The following ZNF829 variants were observed in gnomAD, a reference collection of about 807,000 sequenced individuals.
ZNF829 encodes the protein zinc finger protein 829.
A neutral mutation model predicts 35.2 loss-of-function variants in ZNF829; 25 were observed. The ratio of observed to expected loss-of-function variants is 0.71; its 90% confidence interval spans 0.52 to 0.99. The LOEUF (loss-of-function observed/expected upper bound fraction) is 0.99, where lower values mean the gene tolerates loss of function less well. Among genes scored for constraint, ZNF829 ranks in the 50% least tolerant of loss-of-function variants. The probability of loss-of-function intolerance (pLI) is 0.00; values close to 1 mark genes in which losing one functional copy is unlikely to be tolerated. For missense variants in ZNF829, 417 were observed against 515.3 expected (o/e 0.81, Z 1.85); for synonymous variants, 136 against 163.2 (o/e 0.83, Z 1.27).
intron 5 of ZNF829, among the ~76,000 whole-genome samples, chr19:36,900,345 G>A (rs1246324582): frequency 6.7e-6 from 1 of 148,472 alleles, no homozygotes; most frequent in Non-Finnish European, 1.5e-5. Flanking sequence ...GTGACAGAGT[G>A]AGACTCTGTC....
At chr19:36,897,196 T>C (rs920668846) in intron 5 of ZNF829, among the ~76,000 whole-genome samples, 1 of 152,100 alleles carries the variant, frequency 6.6e-6, no homozygotes, top group African/African-American at 2.4e-5. Context: ...TTCTTCCTAA[T>C]CCATTCTACA....
chr19:36,915,565 C>T (rs1241500517), intron 1 of ZNF829, among the ~76,000 whole-genome samples: 1 of 151,520 alleles, frequency 6.6e-6, no homozygotes, highest in Non-Finnish European at 1.5e-5. Flanking sequence ...GTTATTATCT[C>T]CCAGACAATT....
intron 3 of ZNF829, among the ~76,000 whole-genome samples, chr19:36,909,510 T>C (rs1043033632): frequency 1.3e-5 from 2 of 152,020 alleles, no homozygotes; most frequent in African/African-American, 4.8e-5. Flanking sequence ...ATAGCAATGA[T>C]TGAAAGAAAA....
rs1391781781 is a variant in ZNF829 at position 36,890,193 on chromosome 19, T to C, written c.*1299A>G. 6.6e-6 allele frequency: 1 copy of C among 152,194 alleles called. No homozygotes were observed. Among genetic ancestry groups the C allele is most frequent in the East Asian group, 1.9e-4 (1 of 5,200 alleles). The allele number at this position is 152,194 out of a possible 1,614,324, so 9.4% of individuals were successfully genotyped here. ...GCTTTGTGGTCCAGTATATGACCTA[T>C]TTTTGAGAATGTTCCATGCACAGAA... On this transcript the variant is annotated 3_prime_UTR_variant, in exon 6 of 6. Transcript: ENST00000391711.
intron 5 of ZNF829, chr19:36,892,936 G>A: frequency 1.2e-6 from 1 of 810,778 alleles, no homozygotes; most frequent in East Asian, 3.3e-5. Context: ...GGGCCATGGA[G>A]GAGGACAGGC....
intron 5 of ZNF829, 82 bp from the exon 6 acceptor site, chr19:36,892,553 T>C (rs1025349877): frequency 7.3e-7 from 1 of 1,366,390 alleles, no homozygotes; most frequent in Non-Finnish European, 9.8e-7. Flanking sequence ...AGAATTAAAC[T>C]GAAAAGAATA....
In ZNF829 at chr19:36,891,868, T is replaced by C; in HGVS notation, c.923A>G (p.His308Arg). The C allele has an allele frequency of 6.2e-7, 1 of 1,613,902 alleles. No homozygotes were observed. The highest frequency in any genetic ancestry group is 2.2e-5 in the East Asian group (1 of 44,860). The change falls in exon 6 of 6, where the codon CAC (histidine) becomes CGC (arginine). Residue 308 changes from histidine to arginine, a missense_variant. Transcript: ENST00000391711. ...TCTCTGATGCTGAATAAGCCTTGAGTGTTGAGTAAAGGCTTTCCCACATTC... is the reference window on the plus strand; with the variant it reads ...TCTCTGATGCTGAATAAGCCTTGAGCGTTGAGTAAAGGCTTTCCCACATTC... ...CKECGKAFTQ[H>R]SRLIQHQRMH...
At chr19:36,904,737 GA>G (rs1292909129) in intron 5 of ZNF829, among the ~76,000 whole-genome samples, 2 of 151,870 alleles carry the variant, frequency 1.3e-5, no homozygotes, top group African/African-American at 4.8e-5. Flanking sequence ...ATAACACTGT[GA>G]TTTCAAACTC....
chr19:36,890,133 A>G lies in ZNF829; in HGVS notation c.*1359T>C, dbSNP rs1032271042. ...CCACTATGGTCAGAGAAGATGTTAG[A>G]TATGATTTTGTTTTTTTAAAATTTA... On this transcript the variant is annotated 3_prime_UTR_variant, in exon 6 of 6. Coordinates refer to ENST00000391711, the MANE Select transcript of ZNF829 (RefSeq NM_001037232.4). The G allele has an allele frequency of 2.0e-5, 3 of 152,070 alleles. No homozygotes were observed. The highest frequency in any genetic ancestry group is 4.8e-5 in the African/African-American group (2 of 41,392). The allele number at this position is 152,070 out of a possible 1,614,324, so 9.4% of individuals were successfully genotyped here. A position where few individuals can be genotyped will look rare whatever the true frequency, so the allele number is the denominator to read the frequency against.
chr19:36,896,890 G>A (rs1018360598), intron 5 of ZNF829, among the ~76,000 whole-genome samples: 18 of 152,086 alleles, frequency 1.2e-4, no homozygotes, highest in Non-Finnish European at 2.1e-4. Context: ...GGTCAATTAA[G>A]AAATTAAAGA....
Position 36,888,650 on chromosome 19 carries a change from A to C in ZNF829, c.*2842T>G, listed in dbSNP as rs1393525253. The C allele has an allele frequency of 6.6e-6, 1 of 152,132 alleles. No homozygotes were observed. Among genetic ancestry groups the C allele is most frequent in the East Asian group, 1.9e-4 (1 of 5,200 alleles). The allele number at this position is 152,132 out of a possible 1,614,324, so 9.4% of individuals were successfully genotyped here. On this transcript the variant is annotated 3_prime_UTR_variant, in exon 6 of 6. Coordinates refer to ENST00000391711, the MANE Select transcript of ZNF829 (RefSeq NM_001037232.4). ...GTAGTGGGGAAAGTGTTGGCTTTTAATGGACTCATTACCTAAATAATGTAC... is the reference window on the plus strand; with the variant it reads ...GTAGTGGGGAAAGTGTTGGCTTTTACTGGACTCATTACCTAAATAATGTAC...
At chr19:36,893,563 C>A (rs181018144) in intron 5 of ZNF829, among the ~76,000 whole-genome samples, 1 of 151,962 alleles carries the variant, frequency 6.6e-6, no homozygotes, top group Non-Finnish European at 1.5e-5. Flanking sequence ...TGAGGAATAA[C>A]GTATATAAAT....
At chr19:36,900,375 T>C (rs1160469085) in intron 5 of ZNF829, among the ~76,000 whole-genome samples, 1 of 147,838 alleles carries the variant, frequency 6.8e-6, no homozygotes, top group Non-Finnish European at 1.5e-5. Flanking sequence ...AAAAAAAAAA[T>C]TCCCCTAAAA....
intron 5 of ZNF829, among the ~76,000 whole-genome samples, chr19:36,899,915 T>TAA (rs930101510): frequency 2.0e-5 from 3 of 151,910 alleles, no homozygotes; most frequent in African/African-American, 7.3e-5. Flanking sequence ...AATTTTTTTT[T>TAA]AAACACATAT....
Position 36,916,043 on chromosome 19 carries a change from G to T in ZNF829, c.-117C>A. ...ATCTAAGGGTCCCGCCAGGAGTGAC[G>T]AAACGTTCGAATTCCTGCGAGAAAA... On this transcript the variant is annotated 5_prime_UTR_variant, in exon 1 of 6. It introduces an in-frame stop codon into an upstream open reading frame of the 5' UTR. Transcript: ENST00000391711. This position sits in a 1 kb window ranked among gnomAD's most constrained non-coding sequence, Gnocchi z 5.3. 9.7e-7 allele frequency: 1 copy of T among 1,028,374 alleles called. No homozygotes were observed. The highest frequency in any genetic ancestry group is 1.4e-6 in the Non-Finnish European group (1 of 734,354). The allele number at this position is 1,028,374 out of a possible 1,614,324, so 63.7% of individuals were successfully genotyped here. A position where few individuals can be genotyped will look rare whatever the true frequency, so the allele number is the denominator to read the frequency against.
At chr19:36,899,907 T>A (rs545202434) in intron 5 of ZNF829, among the ~76,000 whole-genome samples, 33 of 137,136 alleles carry the variant, frequency 2.4e-4, no homozygotes, top group South Asian at 8.5e-4. Flanking sequence ...CATATAAAAA[T>A]TTTTTTTTAA....
At chr19:36,901,191 A>G (rs1203138837) in intron 5 of ZNF829, among the ~76,000 whole-genome samples, 1 of 152,248 alleles carries the variant, frequency 6.6e-6, no homozygotes, top group Non-Finnish European at 1.5e-5. Flanking sequence ...AATAAAAAGG[A>G]ATGAAATGCT....
intron 5 of ZNF829, among the ~76,000 whole-genome samples, chr19:36,896,243 G>A (rs1232037658): frequency 6.6e-5 from 10 of 151,574 alleles, no homozygotes; most frequent in Non-Finnish European, 1.3e-4. Flanking sequence ...CCTGGGAGAC[G>A]GAGCCTGAAG....
chr19:36,914,864 A>T (rs776141004), intron 3 of ZNF829, 101 bp downstream of exon 3: 2 of 1,091,052 alleles, frequency 1.8e-6, no homozygotes, highest in Non-Finnish European at 2.8e-6. Flanking sequence ...TAAGTGGAGC[A>T]ACCATCCTTT....
Sources: gnomAD v4.1 joint callset for allele counts (sites outside exome capture counted in the v4.1 genomes callset) on GRCh38, gnomAD v4.1.1 for gene constraint, Gnocchi (gnomAD v3.1) non-coding constraint, MANE v1.5 for transcripts, NCBI Gene and HGNC (gene_info 2026-07-23, HGNC 2026-07-21) for gene names.